The following PLPP5 variants were observed in gnomAD, a reference collection of about 807,000 sequenced individuals.
PLPP5 encodes diacylglycerol pyrophosphate like 1.
A neutral mutation model predicts 23.6 loss-of-function variants in PLPP5; 29 were observed. That is an observed-to-expected ratio of 1.23 (90% CI 0.92 to 1.68). The LOEUF (loss-of-function observed/expected upper bound fraction) is 1.68, where lower values mean the gene tolerates loss of function less well. PLPP5 is among the 40% of genes most tolerant of loss of function. The probability of loss-of-function intolerance (pLI) is 0.00; values close to 1 mark genes in which losing one functional copy is unlikely to be tolerated. For missense variants in PLPP5, 315 were observed against 332.1 expected (o/e 0.95, Z 0.40); for synonymous variants, 143 against 131.3 (o/e 1.09, Z -0.61).
intron 3 of PLPP5, 67 bp from the exon 4 acceptor site, chr8:38,268,027 T>C: frequency 2.5e-6 from 4 of 1,611,812 alleles, no homozygotes; most frequent in Non-Finnish European, 3.4e-6. Context: ...GGCCTCGTTA[T>C]GAGAGCAGCC....
chr8:38,265,919 C>G (rs1010238011), intron 6 of PLPP5, among the ~76,000 whole-genome samples: 2 of 152,136 alleles, frequency 1.3e-5, no homozygotes, highest in Admixed American at 1.3e-4. Flanking sequence ...CTTGAACTTA[C>G]AATGCTTCAA....
Position 38,264,435 on chromosome 8 carries a change from A to T in PLPP5, c.*9T>A. On this transcript the variant is annotated 3_prime_UTR_variant, in exon 7 of 7. Coordinates refer to ENST00000424479, the MANE Select transcript of PLPP5 (RefSeq NM_001102559.2). ...GGCATGAGCCACCACGCCCGGCCAG[A>T]TTCAATTTTTAAATATCAAAACAAT... 2.6e-6 allele frequency: 4 copies of T among 1,542,476 alleles called. No homozygotes were observed. Among genetic ancestry groups the T allele is most frequent in the Non-Finnish European group, 3.5e-6 (4 of 1,144,626 alleles).
Position 38,263,607 on chromosome 8 carries a change from A to G in PLPP5, c.*837T>C. On this transcript the variant is annotated 3_prime_UTR_variant, in exon 7 of 7. Transcript: ENST00000424479. ...CAGTACCAGATGGCTGGACTCAGAT[A>G]AGATGCACACAAAAGTGATAAATTA... The G allele has an allele frequency of 1.0e-6, 1 of 985,448 alleles. No individual in the cohort carries two copies. 61.0% of individuals were successfully genotyped at this position (985,448 alleles called of 1,614,324 possible). A position where few individuals can be genotyped will look rare whatever the true frequency, so the allele number is the denominator to read the frequency against.
At chr8:38,268,526 A>G (rs1006676809) in intron 2 of PLPP5, 65 bp from the exon 3 acceptor site, 4 of 1,539,278 alleles carry the variant, frequency 2.6e-6, no homozygotes, top group African/African-American at 1.4e-5. Flanking sequence ...TCCTACAGGA[A>G]AGAGGGATGT....
Position 38,266,152 on chromosome 8 carries a change from T to TG in PLPP5, c.622dup (p.His208ProfsTer30). On this transcript the variant is annotated frameshift_variant, in exon 6 of 7. Coordinates refer to ENST00000424479, the MANE Select transcript of PLPP5 (RefSeq NM_001102559.2). LOFTEE classifies it low-confidence loss of function (END_TRUNC). ...AGTACTTTGCTTACCTTGCCAGTGA[T>TG]GCTTGTAGTCACATGTGCGGGACAG... is the stretch of plus-strand genomic sequence containing the variant. 1 of 1,614,072 alleles carries TG rather than the reference T, an allele frequency of 6.2e-7. No homozygotes were observed. The highest frequency in any genetic ancestry group is 1.1e-5 in the South Asian group (1 of 91,054).
In PLPP5 at chr8:38,267,361, G is replaced by C; in HGVS notation, c.369C>G (p.Phe123Leu). The change falls in exon 5 of 7, where the codon TTC becomes TTG. Residue 123 changes from phenylalanine to leucine, a missense_variant. By Grantham distance (22) the Phe-to-Leu change is conservative. Coordinates refer to ENST00000424479, the MANE Select transcript of PLPP5 (RefSeq NM_001102559.2). ...RPRPDFFYRC[F>L]PDGLAHSDLM... is the part of the protein sequence containing the mutation. ...AGTCAGAATGGGCTAGCCCATCAGGGAAGCAGCGGTAGAAGAAATCTGGGC... is the reference window on the plus strand; with the variant it reads ...AGTCAGAATGGGCTAGCCCATCAGGCAAGCAGCGGTAGAAGAAATCTGGGC... 1 of 1,613,860 alleles carries C rather than the reference G, an allele frequency of 6.2e-7. No homozygotes were observed. Among genetic ancestry groups the C allele is most frequent in the Non-Finnish European group, 8.5e-7 (1 of 1,179,826 alleles).
intron 5 of PLPP5, 32 bp from the exon 6 acceptor site, chr8:38,266,343 CT>C: frequency 6.3e-7 from 1 of 1,588,628 alleles, no homozygotes; most frequent in African/African-American, 1.3e-5. Flanking sequence ...AGTGGTTTGT[CT>C]TTTAAAGGAA....
At chr8:38,264,853 G>T in intron 6 of PLPP5, 1 of 1,605,492 alleles carries the variant, frequency 6.2e-7, no homozygotes. Flanking sequence ...AATAAGCTTT[G>T]TTCAGAGTGT....
chr8:38,263,995 C>T lies in PLPP5; in HGVS notation c.*449G>A. ...ACCGTAACTCCTCAAGATAGATGAGCAGGGGCAAAAGTGTGTAATCATTTG... is the reference window on the plus strand; with the variant it reads ...ACCGTAACTCCTCAAGATAGATGAGTAGGGGCAAAAGTGTGTAATCATTTG... On this transcript the variant is annotated 3_prime_UTR_variant, in exon 7 of 7. Transcript: ENST00000424479. The T allele has an allele frequency of 7.1e-6, 7 of 985,902 alleles. No homozygotes were observed. Among genetic ancestry groups the T allele is most frequent in the Non-Finnish European group, 8.4e-6 (7 of 830,334 alleles). The allele number at this position is 985,902 out of a possible 1,614,324, so 61.1% of individuals were successfully genotyped here. A position where few individuals can be genotyped will look rare whatever the true frequency, so the allele number is the denominator to read the frequency against.
Position 38,264,071 on chromosome 8 carries a change from A to G in PLPP5, c.*373T>C, listed in dbSNP as rs573222078. 3.9e-5 allele frequency: 39 copies of G among 990,250 alleles called. No individual in the cohort carries two copies. In the African/African-American group the frequency reaches 5.9e-4, roughly 15 times the overall value. The allele number at this position is 990,250 out of a possible 1,614,324, so 61.3% of individuals were successfully genotyped here. On this transcript the variant is annotated 3_prime_UTR_variant, in exon 7 of 7. Transcript: ENST00000424479. The stretch of plus-strand genomic sequence containing the variant: ...TCCTCACTTGCACCTTGGAAGGGGA[A>G]AAAAAGGCTAGAATTTCTTGTCTTG...
At chr8:38,268,639 C>A (rs1808117181) in intron 2 of PLPP5, 178 bp from the exon 3 acceptor site, 4 of 1,437,560 alleles carry the variant, frequency 2.8e-6, no homozygotes, top group Non-Finnish European at 3.6e-6. Context: ...CGGCTCGGGC[C>A]CCGGTACCTC....
chr8:38,268,212 C>G, intron 3 of PLPP5, 159 bp downstream of exon 3: 2 of 1,067,040 alleles, frequency 1.9e-6, no homozygotes, highest in Non-Finnish European at 2.6e-6. Flanking sequence ...GCCTGCGTAA[C>G]CAAGTCCCTG....
At chr8:38,265,801 C>A (rs1807500475) in intron 6 of PLPP5, among the ~76,000 whole-genome samples, 1 of 152,126 alleles carries the variant, frequency 6.6e-6, no homozygotes, top group African/African-American at 2.4e-5. Context: ...TTTATGTTTT[C>A]TTGAATTTTA....
At chr8:38,266,119 A>G in intron 6 of PLPP5, 22 bp downstream of exon 6, 1 of 1,611,258 alleles carries the variant, frequency 6.2e-7, no homozygotes, top group Non-Finnish European at 8.5e-7. Context: ...GCAAGCTTCC[A>G]TAGCCTGAGT....
chr8:38,266,406 A>C, intron 5 of PLPP5, 95 bp from the exon 6 acceptor site: 1 of 1,179,504 alleles, frequency 8.5e-7, no homozygotes, highest in Non-Finnish European at 1.2e-6. Context: ...GTATGTTTTT[A>C]TTTATTTATT....
At chr8:38,268,284 T>TCC (rs1808025885) in intron 3 of PLPP5, 87 bp downstream of exon 3, 4 of 1,267,510 alleles carry the variant, frequency 3.2e-6, no homozygotes, top group African/African-American at 3.0e-5. Flanking sequence ...CTCAGTGGCC[T>TCC]CCACACAGGC....
chr8:38,267,666 C>T lies in PLPP5; in HGVS notation c.338+231G>A, dbSNP rs1268681089. The T allele has an allele frequency of 6.4e-6, 4 of 621,298 alleles. No individual in the cohort carries two copies. The Admixed American group carries it at 9.0e-5, about 14-fold the overall frequency. The allele number at this position is 621,298 out of a possible 1,614,324, so 38.5% of individuals were successfully genotyped here. A position where few individuals can be genotyped will look rare whatever the true frequency, so the allele number is the denominator to read the frequency against. On this transcript the variant is annotated intron_variant, in intron 4 of 6. Coordinates refer to ENST00000424479, the MANE Select transcript of PLPP5 (RefSeq NM_001102559.2). ...AGGAGGTGCTCAAGAGGACACTGAC[C>T]GACTGCTGTGGCCGTTGGTGGGAAA... is the stretch of plus-strand genomic sequence containing the variant.
chr8:38,268,267 T>G (rs1017081510), intron 3 of PLPP5, 104 bp downstream of exon 3: 23 of 1,149,902 alleles, frequency 2.0e-5, no homozygotes, highest in Non-Finnish European at 2.7e-5. Context: ...CCTTTAGGAA[T>G]GCAGAACTCA....
chr8:38,265,140 C>T, intron 6 of PLPP5: 1 of 541,828 alleles, frequency 1.8e-6, no homozygotes, highest in Non-Finnish European at 3.3e-6. Context: ...GTGGCATGTG[C>T]CTGTAATCCC....
Sources: gnomAD v4.1 joint callset for allele counts (sites outside exome capture counted in the v4.1 genomes callset) on GRCh38, gnomAD v4.1.1 for gene constraint, MANE v1.5 for transcripts, NCBI Gene and HGNC (gene_info 2026-07-23, HGNC 2026-07-21) for gene names.